NRXN2: variants seen among roughly 807,000 people sequenced by gnomAD.
NRXN2 encodes neurexin-2-beta.
In NRXN2, 29 loss-of-function variants were observed where a neutral mutation model predicts 128.8. The ratio of observed to expected loss-of-function variants is 0.23; its 90% CI spans 0.17 to 0.31. The LOEUF (loss-of-function observed/expected upper bound fraction) is 0.31. Among genes scored for constraint, NRXN2 ranks in the 10% least tolerant of loss-of-function variants. The probability of loss-of-function intolerance (pLI) is 1.00; values close to 1 mark genes in which losing one functional copy is unlikely to be tolerated. For synonymous variants in NRXN2, 1,098 were observed against 1,075.2 expected (o/e 1.02, Z -0.41); for missense variants, 1,881 against 2,452.6 (o/e 0.77, Z 4.92).
rs1302113816 is a variant in NRXN2, at chr11:64,607,916, A to C, written c.4419T>G (p.Ser1473=). The C allele has an allele frequency of 6.4e-7, 1 of 1,553,916 alleles. No homozygotes were observed. ...CCCGCTCGGCCTGGCACGGGCCCCC[A>C]GAGGGCGGGCGGCGCGCGGCGGGCG... ...LPPPAARRPP[S]GGPCQAERDD... is the part of the protein sequence containing the mutation. Residue 1473 remains serine, a synonymous_variant, in exon 23 of 23, where the codon TCT becomes TCG. Transcript: ENST00000265459.
chr11:64,668,743 G>A, intron 7 of NRXN2, 139 bp from the exon 8 acceptor site: 2 of 868,206 alleles, frequency 2.3e-6, no homozygotes, highest in South Asian at 2.9e-5. Context: ...TTGTCTTGGA[G>A]GAGGAACAGT....
intron 6 of NRXN2, among the ~76,000 whole-genome samples, chr11:64,681,335 C>A (rs879635904): frequency 6.6e-5 from 10 of 151,978 alleles, no homozygotes; most frequent in Admixed American, 5.2e-4. Flanking sequence ...TATTAAGCAA[C>A]CAATTTGCTT....
At chr11:64,639,429 A>T (rs2045318075) in intron 17 of NRXN2, among the ~76,000 whole-genome samples, 1 of 152,192 alleles carries the variant, frequency 6.6e-6, no homozygotes, top group South Asian at 2.1e-4. Context: ...AACCCATGGA[A>T]GCTACTGACT....
chr11:64,607,434 C>T lies in NRXN2; in HGVS notation c.4901G>A (p.Ser1634Asn), dbSNP rs761737463. ...GAVEVIRESS[S>N]TTGMVVGIVA... ...AATGCCCACCACCATGCCCGTGGTG[C>T]TGCTGGACTCCCGGATCACCTCCAC... Residue 1634 changes from serine (S) to asparagine (N), a missense_variant, in exon 23 of 23, where the codon AGC (serine) becomes AAC (asparagine). Around this residue, in one of 7 missense-constraint regions of NRXN2, gnomAD observed 310 missense variants for 318.2 expected, o/e 0.97. Coordinates refer to ENST00000265459, the MANE Select transcript of NRXN2 (RefSeq NM_015080.4). The T allele has an allele frequency of 6.2e-7, 1 of 1,612,704 alleles. No individual in the cohort carries two copies.
At chr11:64,643,306 C>A (rs1482553012) in intron 17 of NRXN2, 16 of 961,746 alleles carry the variant, frequency 1.7e-5, no homozygotes, top group South Asian at 5.0e-5. Context: ...CCGGCCGCGC[C>A]GCTGCTGCCG....
Position 64,655,592 on chromosome 11 carries a change from T to C in NRXN2, c.2390-1870A>G, listed in dbSNP as rs192405296. Among the ~76,000 whole-genome samples, 73 of 152,186 alleles carry C rather than the reference T, an allele frequency of 4.8e-4. No homozygotes were observed. The East Asian group carries it at 0.01, about 21-fold the overall frequency. ...CTGGATGGGCAAGCAGGTCCCCTAC[T>C]GGGGAAAAGACCCAAAGAAGGAGCT... is the stretch of plus-strand genomic sequence containing the variant. On this transcript the variant is annotated intron_variant, in intron 11 of 22. Coordinates refer to ENST00000265459, the MANE Select transcript of NRXN2 (RefSeq NM_015080.4).
chr11:64,644,134 A>G (rs1204485742), intron 17 of NRXN2, among the ~76,000 whole-genome samples: 1 of 152,096 alleles, frequency 6.6e-6, no homozygotes, highest in African/African-American at 2.4e-5. Context: ...CTCACAGGGC[A>G]TACATCCGTG....
At chr11:64,621,559 C>A (rs1051584435) in intron 21 of NRXN2, among the ~76,000 whole-genome samples, 2 of 152,180 alleles carry the variant, frequency 1.3e-5, no homozygotes, top group Admixed American at 6.5e-5. Context: ...GCAGCACAGA[C>A]TGGCAGGGAG....
chr11:64,714,209 G>T lies in NRXN2; in HGVS notation c.-244-266C>A, dbSNP rs1394364508. Among the ~76,000 whole-genome samples the T allele has an allele frequency of 1.6e-5, 1 of 61,616 alleles. No homozygotes were observed. The highest frequency in any genetic ancestry group is 5.2e-5 in the Non-Finnish European group (1 of 19,106). The allele number at this position is 61,616 out of a possible 152,430, so 40.4% of individuals were successfully genotyped here. On this transcript the variant is annotated intron_variant, in intron 1 of 22. Transcript: ENST00000265459. The surrounding 1 kb of genome is among the most constrained non-coding windows in gnomAD (Gnocchi z 4.5). ...GGTGACACGTTCGAGCCCGGCAGGA[G>T]CCCAACCTCAGCCCGCTCCCTCACC...
At chr11:64,701,816 C>G (rs1186434644) in intron 2 of NRXN2, among the ~76,000 whole-genome samples, 428 of 109,722 alleles carry the variant, frequency 3.9e-3, no homozygotes, top group Middle Eastern at 0.036. Context: ...CCCCGTCCGG[C>G]AGGTGAGGGG....
intron 2 of NRXN2, among the ~76,000 whole-genome samples, chr11:64,709,624 A>G (rs1191909296): frequency 6.6e-6 from 1 of 152,162 alleles, no homozygotes; most frequent in East Asian, 1.9e-4. Flanking sequence ...ACATGTTTTC[A>G]TATGTACATA....
In NRXN2 at chr11:64,608,054, C is replaced by A. The variant is rs1380365907; in HGVS notation, c.4281G>T (p.Thr1427=). ...TGGELILPII[T]EDSLDPPPVA... Reference sequence around the variant, plus strand: ...CGGGAGGGGGGTCTAAGGAGTCCTCCGTGATAATGGGCAATATTAACTCTC... The same window carrying A: ...CGGGAGGGGGGTCTAAGGAGTCCTCAGTGATAATGGGCAATATTAACTCTC... Residue 1427 remains threonine, a synonymous_variant, in exon 23 of 23, where the codon ACG becomes ACT. Coordinates refer to ENST00000265459, the MANE Select transcript of NRXN2 (RefSeq NM_015080.4). 2 of 1,582,552 alleles carry A rather than the reference C, an allele frequency of 1.3e-6. No homozygotes were observed. The highest frequency in any genetic ancestry group is 8.5e-7 in the Non-Finnish European group (1 of 1,172,430).
chr11:64,655,447 G>C (rs1565317590), intron 11 of NRXN2, among the ~76,000 whole-genome samples: 1 of 152,134 alleles, frequency 6.6e-6, no homozygotes, highest in Non-Finnish European at 1.5e-5. Context: ...GAAGAGGAAG[G>C]GGAGGACTGT....
At chr11:64,706,569 AG>A (rs2056353674) in intron 2 of NRXN2, among the ~76,000 whole-genome samples, 1 of 152,112 alleles carries the variant, frequency 6.6e-6, no homozygotes, top group Non-Finnish European at 1.5e-5. Flanking sequence ...GTACCCAGTT[AG>A]CATTCAATGT....
chr11:64,694,780 C>A (rs1317105459), intron 3 of NRXN2, among the ~76,000 whole-genome samples: 1 of 152,184 alleles, frequency 6.6e-6, no homozygotes, highest in African/African-American at 2.4e-5. Flanking sequence ...AGCCCTCAAC[C>A]CACATCCGAC....
In NRXN2 at chr11:64,630,441, G is replaced by A; in HGVS notation, c.3718C>T (p.Gln1240Ter). The A allele has an allele frequency of 6.2e-7, 1 of 1,613,326 alleles. No individual in the cohort carries two copies. ...FTRSGGNATL[Q>*]VDSWPVNERY... ...TCGTTGACCGGCCAGCTGTCCACCTGCAGGGTGGCGTTGCCGCCGCTTCGA... is the reference window on the plus strand; with the variant it reads ...TCGTTGACCGGCCAGCTGTCCACCTACAGGGTGGCGTTGCCGCCGCTTCGA... Residue 1240 changes from glutamine to a stop codon, truncating the protein, a stop_gained, in exon 19 of 23, where the codon CAG (glutamine) becomes TAG (stop). Transcript: ENST00000265459. LOFTEE classifies it high-confidence loss of function. The surrounding 1 kb of genome is among the most constrained non-coding windows in gnomAD (Gnocchi z 4.6).
rs2053730163 is a variant in NRXN2 at position 64,690,961 on chromosome 11, G to A, written c.779-485C>T. ...CCAACTCGTTCAAAAGCCTGACGCA[G>A]ACACCCCCTCCTCCAGAAACTTCTC... On this transcript the variant is annotated intron_variant, in intron 4 of 22. Coordinates refer to ENST00000265459, the MANE Select transcript of NRXN2 (RefSeq NM_015080.4). Among the ~76,000 whole-genome samples the A allele has an allele frequency of 2.0e-5, 3 of 152,120 alleles. No homozygotes were observed. In the South Asian group the frequency reaches 6.2e-4, roughly 32 times the overall value.
chr11:64,688,749 G>A (rs2053431925), intron 5 of NRXN2: 1 of 985,190 alleles, frequency 1.0e-6, no homozygotes, highest in South Asian at 4.7e-5. Context: ...AGTGAATGTG[G>A]CTAGAGACTA....
intron 4 of NRXN2, 39 bp downstream of exon 4, chr11:64,692,808 G>C (rs1464597545): frequency 1.2e-6 from 2 of 1,612,804 alleles, no homozygotes; most frequent in African/African-American, 2.7e-5. Flanking sequence ...CAGGTTGGGG[G>C]CAATCCAATC....
Sources: allele counts gnomAD v4.1 joint callset (sites outside exome capture counted in the v4.1 genomes callset), GRCh38; gene constraint gnomAD v4.1.1; regional missense constraint gnomAD v4.1.1; non-coding constraint Gnocchi (gnomAD v3.1); transcripts MANE v1.5; gene names NCBI Gene and HGNC (gene_info 2026-07-23, HGNC 2026-07-21).